Variants in POLN observed in about 807,000 individuals in gnomAD.
POLN encodes the protein DNA polymerase nu.
Under a neutral mutation model 113.5 loss-of-function variants are expected in POLN, and 108 were observed. The ratio of observed to expected loss-of-function variants is 0.95; its 90% confidence interval spans 0.81 to 1.12. The LOEUF (loss-of-function observed/expected upper bound fraction) is 1.12. Among genes scored for constraint, POLN ranks in the 50% most tolerant of loss-of-function variants. POLN has a pLI of 0.00. For missense variants in POLN, 1,097 were observed against 1,077.1 expected (o/e 1.02, Z -0.26); for synonymous variants, 386 against 391.5 (o/e 0.99, Z 0.17).
At chr4:2,131,209 G>C in intron 17 of POLN, 24 bp downstream of exon 17, 1 of 1,527,420 alleles carries the variant, frequency 6.5e-7, no homozygotes, top group Non-Finnish European at 9.0e-7. Flanking sequence ...AGAGACTTTA[G>C]CAAGGTAGTA....
chr4:2,214,886 C>CATACATATACATATATATGTATATACAT (rs1734074166), intron 3 of POLN, among the ~76,000 whole-genome samples: 1 of 151,092 alleles, frequency 6.6e-6, no homozygotes, highest in Non-Finnish European at 1.5e-5. Flanking sequence ...CACATATACA[C>CATACATATACATATATATGTATATACAT]ATACATATAC....
chr4:2,233,618 G>A (rs931448737), intron 2 of POLN, among the ~76,000 whole-genome samples: 18 of 152,168 alleles, frequency 1.2e-4, no homozygotes, highest in Admixed American at 2.0e-4. Flanking sequence ...ACATTGAAAT[G>A]TGATGCTTTA....
chr4:2,236,480 T>A, intron 2 of POLN: 1 of 1,500,992 alleles, frequency 6.7e-7, no homozygotes. Flanking sequence ...ATTAAAATTA[T>A]AGGGAAAAAT....
intron 18 of POLN, among the ~76,000 whole-genome samples, chr4:2,128,968 T>C (rs1484019177): frequency 6.6e-6 from 1 of 151,326 alleles, no homozygotes; most frequent in East Asian, 1.9e-4. Context: ...GGCAGGAGAA[T>C]TGCTTGAACC....
At chr4:2,155,226 T>G (rs181217182) in intron 16 of POLN, among the ~76,000 whole-genome samples, 6 of 152,342 alleles carry the variant, frequency 3.9e-5, no homozygotes, top group Non-Finnish European at 8.8e-5. Context: ...GTGGCAGCAG[T>G]GCCTGCATTC....
chr4:2,136,001 G>A (rs1731848467), intron 16 of POLN, among the ~76,000 whole-genome samples: 1 of 152,222 alleles, frequency 6.6e-6, no homozygotes, highest in South Asian at 2.1e-4. Flanking sequence ...GTTTCTGCAG[G>A]TGAAAGCCTC....
chr4:2,081,179 T>C, intron 22 of POLN, 143 bp from the exon 23 acceptor site: 2 of 1,592,386 alleles, frequency 1.3e-6, no homozygotes, highest in African/African-American at 1.3e-5. Flanking sequence ...GGGCCACAGA[T>C]GACTGCAGGC....
rs935736775 is a variant in POLN, at chr4:2,079,792, C to T, written c.2387+1166G>A. 1.6e-5 allele frequency: 14 copies of T among 878,666 alleles called. No individual in the cohort carries two copies. In the South Asian group the frequency reaches 6.8e-4, roughly 43 times the overall value. The allele number at this position is 878,666 out of a possible 1,614,324, so 54.4% of individuals were successfully genotyped here. A position where few individuals can be genotyped will look rare whatever the true frequency, so the allele number is the denominator to read the frequency against. On this transcript the variant is annotated intron_variant, in intron 23 of 25. Transcript: ENST00000511885. Reference sequence around the variant, plus strand: ...TAGTGACGATGTTTTACCCTGTTGGCCAGGTTGGTCTCAAACTCCTGACCT... The same window carrying T: ...TAGTGACGATGTTTTACCCTGTTGGTCAGGTTGGTCTCAAACTCCTGACCT...
In POLN at chr4:2,193,201, T is replaced by C. The variant is rs200655707; in HGVS notation, c.1021+3A>G. The C allele has an allele frequency of 8.2e-6, 13 of 1,578,862 alleles. No individual in the cohort carries two copies. Among genetic ancestry groups the C allele is most frequent in the Non-Finnish European group, 1.1e-5 (13 of 1,153,456 alleles). On this transcript the variant is annotated splice_donor_region_variant and intron_variant, in intron 7 of 25. Coordinates refer to ENST00000511885, the MANE Select transcript of POLN (RefSeq NM_181808.4). ...TATAGAGAGAATAAAAAATATAACT[T>C]ACCATGCTTCCAACTGCCATCATTG...
At chr4:2,074,088 G>C (rs566556586) in intron 24 of POLN, among the ~76,000 whole-genome samples, 1 of 152,238 alleles carries the variant, frequency 6.6e-6, no homozygotes, top group Non-Finnish European at 1.5e-5. Context: ...TGAGTATGCA[G>C]AGAACTGGTC....
chr4:2,239,626 T>C (rs1254450694), intron 2 of POLN, among the ~76,000 whole-genome samples: 1 of 152,188 alleles, frequency 6.6e-6, no homozygotes, highest in African/African-American at 2.4e-5. Context: ...TCAGTTTCAG[T>C]CTACTGAACC....
chr4:2,225,813 C>A lies in POLN; in HGVS notation c.133+3286G>T, dbSNP rs556857291. 1.3e-3 allele frequency among the ~76,000 whole-genome samples: 191 copies of A among 151,882 alleles called. 2 individuals carry two copies. The highest frequency in any genetic ancestry group is 3.5e-3 in the Admixed American group (54 of 15,248). On this transcript the variant is annotated intron_variant, in intron 3 of 25. Transcript: ENST00000511885. ...CCCAGGAGTTTGAGACCAGCCTGGG[C>A]AACATAGCAAGACCTCGTCTCCACA...
rs759003017 is a variant in POLN, at chr4:2,176,264, G to T, written c.1248+2C>A. 14 of 1,601,680 alleles carry T rather than the reference G, an allele frequency of 8.7e-6. No individual in the cohort carries two copies. The highest frequency in any genetic ancestry group is 1.2e-5 in the Non-Finnish European group (14 of 1,171,972). On this transcript the variant is annotated splice_donor_variant, in intron 9 of 25. Coordinates refer to ENST00000511885, the MANE Select transcript of POLN (RefSeq NM_181808.4). LOFTEE classifies it high-confidence loss of function. ...GCCAGAAATTATAATAAAATGCCTTGCCTTCAGTTTAGAGCAAAGGTCCAT... is the reference window on the plus strand; with the variant it reads ...GCCAGAAATTATAATAAAATGCCTTTCCTTCAGTTTAGAGCAAAGGTCCAT...
At chr4:2,092,425 G>A (rs936848282) in intron 20 of POLN, among the ~76,000 whole-genome samples, 3 of 152,202 alleles carry the variant, frequency 2.0e-5, no homozygotes, top group Non-Finnish European at 4.4e-5. Context: ...GGCTGGGGAC[G>A]GACATTTGAA....
At chr4:2,177,546 C>A (rs1429300006) in intron 8 of POLN, among the ~76,000 whole-genome samples, 1 of 152,218 alleles carries the variant, frequency 6.6e-6, no homozygotes, top group Non-Finnish European at 1.5e-5. Flanking sequence ...GAGACATAAA[C>A]AGAACTGCAT....
rs376622494 is a variant in POLN, at chr4:2,208,292, T to G, written c.409A>C (p.Lys137Gln). 81 of 1,599,828 alleles carry G rather than the reference T, an allele frequency of 5.1e-5. No individual in the cohort carries two copies. The African/African-American group carries it at 9.4e-4, about 19-fold the overall frequency. ...SVLQKKGHKR[K>Q]HFLMENINNE... ...TTTATATTCTCCATTAGGAAATGCT[T>G]TCTTTTATGCCCCTTTTTCTGTAGA... is the stretch of plus-strand genomic sequence containing the variant. The change falls in exon 5 of 26, where the codon AAG (lysine) becomes CAG (glutamine). Residue 137 changes from lysine to glutamine, a missense_variant. Transcript: ENST00000511885.
chr4:2,183,663 A>AG (rs1733197551), intron 7 of POLN, among the ~76,000 whole-genome samples: 1 of 152,112 alleles, frequency 6.6e-6, no homozygotes, highest in African/African-American at 2.4e-5. Flanking sequence ...AGTCTGAGAA[A>AG]GGGGGGATGG....
At chr4:2,091,330 G>A (rs753641059) in intron 20 of POLN, among the ~76,000 whole-genome samples, 9 of 152,076 alleles carry the variant, frequency 5.9e-5, no homozygotes, top group Admixed American at 4.6e-4. Context: ...AGGTGGCCCC[G>A]GTCCCCAGGC....
At chr4:2,169,500 G>A (rs947805179) in intron 13 of POLN, among the ~76,000 whole-genome samples, 2 of 152,180 alleles carry the variant, frequency 1.3e-5, no homozygotes, top group African/African-American at 2.4e-5. Context: ...CAGAATGGCC[G>A]ATGCTTACTG....
Sources: allele counts gnomAD v4.1 joint callset (sites outside exome capture counted in the v4.1 genomes callset), GRCh38; gene constraint gnomAD v4.1.1; transcripts MANE v1.5; gene names NCBI Gene and HGNC (gene_info 2026-07-23, HGNC 2026-07-21).